BCL2L14: variants seen among roughly 807,000 people sequenced by gnomAD.
BCL2L14 encodes the protein BCL2 like 14, also known as apoptosis facilitator Bcl-2-like protein 14.
Under a neutral mutation model 35.3 loss-of-function variants are expected in BCL2L14, and 27 were observed. The observed-to-expected ratio is 0.76, with a 90% CI of 0.56 to 1.05. The LOEUF is 1.05. BCL2L14 is among the 50% of genes least tolerant of loss of function. The probability of loss-of-function intolerance (pLI) is 0.00; values close to 1 mark genes in which losing one functional copy is unlikely to be tolerated. For missense variants in BCL2L14, 377 were observed against 382.6 expected, an observed-to-expected ratio of 0.99 and a Z score of 0.12; for synonymous variants, 139 against 145.9, an observed-to-expected ratio of 0.95 and a Z score of 0.34.
upstream of BCL2L14, among the ~76,000 whole-genome samples, chr12:12,067,388 T>TA (rs1346956873): frequency 6.6e-6 from 1 of 151,968 alleles, no homozygotes; most frequent in Non-Finnish European, 1.5e-5. Context: ...CCGTCTTTAT[T>TA]AAAAATACAA....
In BCL2L14 at chr12:12,061,072, T is replaced by C. The variant is rs1485228341; in HGVS notation, c.-272+9225T>C. On this transcript the variant is annotated intron_variant, in intron 2 of 3. Coordinates refer to the BCL2L14 transcript ENST00000461264. ...TCTAAACCTCTTAAAACTCCCCAAC[T>C]CTAGTGCCAACTTAGACAATACTCT... Among the ~76,000 whole-genome samples, 315 of 100,026 alleles carry C rather than the reference T, an allele frequency of 3.1e-3. 6 individuals are homozygous for C. The highest frequency in any genetic ancestry group is 0.012 in the African/African-American group (307 of 25,354). 65.6% of individuals were successfully genotyped at this position (100,026 alleles called of 152,430 possible). A position where few individuals can be genotyped will look rare whatever the true frequency, so the allele number is the denominator to read the frequency against.
Position 12,094,449 on chromosome 12 carries a change from A to G in BCL2L14, c.679-215A>G, listed in dbSNP as rs1254191295. 3 of 1,363,420 alleles carry G rather than the reference A, an allele frequency of 2.2e-6. No individual in the cohort carries two copies. In the African/African-American group the frequency reaches 4.3e-5, roughly 19 times the overall value. The allele number at this position is 1,363,420 out of a possible 1,614,324, so 84.5% of individuals were successfully genotyped here. Reference sequence around the variant, plus strand: ...AAATGAACTGACTGTTCCATTTTATACATGTATTTGTGCTGATGAAATGAA... The same window carrying G: ...AAATGAACTGACTGTTCCATTTTATGCATGTATTTGTGCTGATGAAATGAA... On this transcript the variant is annotated intron_variant, in intron 4 of 5. Transcript: ENST00000308721.
At position 12,087,465 on chromosome 12, in the gene BCL2L14, C is replaced by T. The variant is rs376249836; in HGVS notation, c.607+79C>T. 1.5e-5 allele frequency: 22 copies of T among 1,485,684 alleles called. No individual in the cohort carries two copies. The African/African-American group carries it at 1.9e-4, about 13-fold the overall frequency. The allele number at this position is 1,485,684 out of a possible 1,614,324, so 92.0% of individuals were successfully genotyped here. ...TTGTGTATTTATCCATCCCAGGGCT[C>T]GGCAACTTGACAGTCTCCGCTGCCT... On this transcript the variant is annotated intron_variant, in intron 3 of 5. Coordinates refer to ENST00000308721, the MANE Select transcript of BCL2L14 (RefSeq NM_138723.2).
intron 2 of BCL2L14, among the ~76,000 whole-genome samples, chr12:12,084,913 AAT>A (rs1949009334): frequency 6.6e-6 from 1 of 151,876 alleles, no homozygotes; most frequent in African/African-American, 2.4e-5. Flanking sequence ...CTCTACTGAA[AAT>A]ATACAAAAAT....
intron 1 of BCL2L14, among the ~76,000 whole-genome samples, chr12:12,078,550 T>C (rs1056680263): frequency 2.0e-5 from 3 of 152,238 alleles, no homozygotes; most frequent in Non-Finnish European, 4.4e-5. Flanking sequence ...CCCTGGCTAT[T>C]TGCAAACTGC....
upstream of BCL2L14, among the ~76,000 whole-genome samples, chr12:12,066,775 A>G (rs1429282796): frequency 6.7e-6 from 1 of 149,270 alleles, no homozygotes; most frequent in East Asian, 2.0e-4. Flanking sequence ...GAGTGGCGCA[A>G]TCTCGGCTCA....
intron 2 of BCL2L14, among the ~76,000 whole-genome samples, chr12:12,065,126 T>C (rs1287183330): frequency 6.6e-6 from 1 of 152,120 alleles, no homozygotes; most frequent in African/African-American, 2.4e-5. Context: ...AGACAGAAGT[T>C]TATTATTAAC....
chr12:12,050,814 G>T, intron 1 of BCL2L14, among the ~76,000 whole-genome samples: 1 of 111,544 alleles, frequency 9.0e-6, no homozygotes, highest in East Asian at 2.7e-4. Flanking sequence ...AAAAAAAAAA[G>T]AAAAGAAAAG....
chr12:12,064,483 C>A (rs1012320353), intron 2 of BCL2L14, among the ~76,000 whole-genome samples: 2 of 152,038 alleles, frequency 1.3e-5, no homozygotes, highest in Non-Finnish European at 2.9e-5. Context: ...GCATAACTGT[C>A]GTGCCTACTA....
chr12:12,092,577 G>A (rs1336475280), intron 4 of BCL2L14, among the ~76,000 whole-genome samples: 1 of 152,240 alleles, frequency 6.6e-6, no homozygotes, highest in African/African-American at 2.4e-5. Flanking sequence ...GAGAGGGACA[G>A]GCAGGGGAGG....
intron 1 of BCL2L14, among the ~76,000 whole-genome samples, chr12:12,075,104 GTTTC>G (rs1380048193): frequency 6.6e-6 from 1 of 151,368 alleles, no homozygotes; most frequent in Non-Finnish European, 1.5e-5. Context: ...TTTTTAATAT[GTTTC>G]TTTTTTTTCT....
chr12:12,087,463 C>T (rs1949073174), intron 3 of BCL2L14, 77 bp downstream of exon 3: 1 of 1,493,888 alleles, frequency 6.7e-7, no homozygotes, highest in African/African-American at 1.4e-5. Context: ...CATCCCAGGG[C>T]TCGGCAACTT....
chr12:12,067,680 T>C (rs1947405102), upstream of BCL2L14, among the ~76,000 whole-genome samples: 1 of 152,224 alleles, frequency 6.6e-6, no homozygotes, highest in Non-Finnish European at 1.5e-5. Context: ...TCCCACTGAA[T>C]GACTGCATTA....
At chr12:12,094,051 G>A (rs1380489204) in intron 4 of BCL2L14, among the ~76,000 whole-genome samples, 1 of 150,842 alleles carries the variant, frequency 6.6e-6, no homozygotes, top group Non-Finnish European at 1.5e-5. Flanking sequence ...AGGTTGCAGT[G>A]AGCTGAGACC....
At chr12:12,084,481 T>C (rs149870993) in intron 2 of BCL2L14, among the ~76,000 whole-genome samples, 1 of 152,066 alleles carries the variant, frequency 6.6e-6, no homozygotes, top group Non-Finnish European at 1.5e-5. Flanking sequence ...CTGCCCTTTC[T>C]CTTTAAAACA....
chr12:12,052,379 G>A (rs1253471361), intron 2 of BCL2L14, among the ~76,000 whole-genome samples: 1 of 139,514 alleles, frequency 7.2e-6, no homozygotes. Context: ...CCCAACCACC[G>A]CTCCACCCCC....
At position 12,060,910 on chromosome 12, in the gene BCL2L14, T is replaced by C. The variant is rs368539406; in HGVS notation, c.-272+9063T>C. The stretch of plus-strand genomic sequence containing the variant: ...CCGTAGACCATCACAGATGCCGAGC[T>C]TTAGGTAACTCTCACAGTGGAGGGT... On this transcript the variant is annotated intron_variant, in intron 2 of 3. Transcript: ENST00000461264. 2.1e-4 allele frequency among the ~76,000 whole-genome samples: 11 copies of C among 53,468 alleles called. 1 individual carries two copies. The highest frequency in any genetic ancestry group is 4.4e-4 in the Admixed American group (2 of 4,550). 35.1% of individuals were successfully genotyped at this position (53,468 alleles called of 152,430 possible). A position where few individuals can be genotyped will look rare whatever the true frequency, so the allele number is the denominator to read the frequency against.
At chr12:12,052,681 AT>A (rs1384059849) in intron 2 of BCL2L14, among the ~76,000 whole-genome samples, 2 of 152,312 alleles carry the variant, frequency 1.3e-5, no homozygotes, top group East Asian at 3.9e-4. Flanking sequence ...TGCAATGAAC[AT>A]GGGAGTTCAG....
chr12:12,080,359 G>A (rs1463518645), intron 2 of BCL2L14, among the ~76,000 whole-genome samples: 1 of 152,094 alleles, frequency 6.6e-6, no homozygotes, highest in African/African-American at 2.4e-5. Context: ...AGTGGCTCAT[G>A]CCTGTAATTC....
Sources: allele counts gnomAD v4.1 joint callset (sites outside exome capture counted in the v4.1 genomes callset), GRCh38; gene constraint gnomAD v4.1.1; transcripts MANE v1.5; gene names NCBI Gene and HGNC (gene_info 2026-07-23, HGNC 2026-07-21).